GRIA4: variants seen among roughly 807,000 people sequenced by gnomAD.
GRIA4 encodes glutamate receptor 4.
In GRIA4, 34 loss-of-function variants were observed where a neutral mutation model predicts 104.0. The observed-to-expected ratio is 0.33, with a 90% CI of 0.25 to 0.44. GRIA4 has a LOEUF of 0.44. Among genes scored for constraint, GRIA4 ranks in the 20% least tolerant of loss-of-function variants. The pLI, the probability that GRIA4 is intolerant of heterozygous loss-of-function variation, is 1.00. For missense variants in GRIA4, 750 were observed against 1,096.5 expected (o/e 0.68, Z 4.46); for synonymous variants, 386 against 381.9 (o/e 1.01, Z -0.13).
chr11:105,620,922 T>A (rs1375261370), intron 3 of GRIA4, among the ~76,000 whole-genome samples: 1 of 151,800 alleles, frequency 6.6e-6, no homozygotes, highest in Non-Finnish European at 1.5e-5. Flanking sequence ...GGGGGTCATA[T>A]TTTTGGATTT....
In GRIA4 at chr11:105,876,406, G is replaced by A. The variant is rs749257694; in HGVS notation, c.673-11113G>A. ...GTATATTCTGTTGATTTGGGGTGGA[G>A]AGTTCTGTAGATGTCTATTAGGTCC... On this transcript the variant is annotated intron_variant, in intron 5 of 16. Coordinates refer to ENST00000282499, the MANE Select transcript of GRIA4 (RefSeq NM_000829.4). Among the ~76,000 whole-genome samples the A allele has an allele frequency of 3.3e-5, 5 of 152,300 alleles. No individual in the cohort carries two copies. In the South Asian group the frequency reaches 1.0e-3, roughly 32 times the overall value.
intron 3 of GRIA4, among the ~76,000 whole-genome samples, chr11:105,698,027 C>T (rs917312148): frequency 2.0e-5 from 3 of 152,052 alleles, no homozygotes; most frequent in South Asian, 2.1e-4. Context: ...GAAACATGGC[C>T]CTTCCTCTCT....
chr11:105,729,773 A>G (rs907105079), intron 3 of GRIA4, among the ~76,000 whole-genome samples: 2 of 152,214 alleles, frequency 1.3e-5, no homozygotes, highest in African/African-American at 4.8e-5. Context: ...GATTATCTCA[A>G]TAGATGCAGA....
At chr11:105,843,565 G>A (rs1015907918) in intron 4 of GRIA4, among the ~76,000 whole-genome samples, 1 of 152,078 alleles carries the variant, frequency 6.6e-6, no homozygotes, top group African/African-American at 2.4e-5. Context: ...TGCTCTCCAC[G>A]GGAATTTCAG....
At chr11:105,883,431 C>T (rs1223689461) in intron 5 of GRIA4, among the ~76,000 whole-genome samples, 2 of 144,294 alleles carry the variant, frequency 1.4e-5, no homozygotes, top group African/African-American at 5.1e-5. Flanking sequence ...TCCCCCCTCC[C>T]CCACCCCACG....
intron 6 of GRIA4, among the ~76,000 whole-genome samples, chr11:105,889,423 G>A (rs1236892812): frequency 6.6e-6 from 1 of 152,106 alleles, no homozygotes; most frequent in African/African-American, 2.4e-5. Flanking sequence ...TTATAATACA[G>A]TGTATTAATA....
intron 14 of GRIA4, among the ~76,000 whole-genome samples, chr11:105,958,243 T>G (rs1481413625): frequency 6.6e-6 from 1 of 152,210 alleles, no homozygotes; most frequent in South Asian, 2.1e-4. Flanking sequence ...ATATTGGCTG[T>G]GAGTTTGTCA....
intron 12 of GRIA4, among the ~76,000 whole-genome samples, chr11:105,926,158 C>T (rs544721498): frequency 1.3e-5 from 2 of 152,192 alleles, no homozygotes; most frequent in South Asian, 4.1e-4. Flanking sequence ...TCTAGACGCT[C>T]TTCGGGTCCA....
chr11:105,931,003 T>C (rs1469652053), intron 13 of GRIA4, among the ~76,000 whole-genome samples: 3 of 152,116 alleles, frequency 2.0e-5, no homozygotes, highest in Admixed American at 6.6e-5. Context: ...ATTATCAATA[T>C]AGATATTGAG....
intron 14 of GRIA4, among the ~76,000 whole-genome samples, chr11:105,955,985 T>C (rs1948578224): frequency 6.6e-6 from 1 of 152,214 alleles, no homozygotes; most frequent in South Asian, 2.1e-4. Context: ...TTTTCTCTTG[T>C]AAATTTGTTT....
At chr11:105,909,034 T>A (rs543551866) in intron 9 of GRIA4, among the ~76,000 whole-genome samples, 2 of 152,274 alleles carry the variant, frequency 1.3e-5, no homozygotes, top group South Asian at 4.1e-4. Context: ...TTAATAAATG[T>A]CAATCAGAGA....
chr11:105,948,933 C>G (rs544400621), intron 14 of GRIA4, among the ~76,000 whole-genome samples: 5 of 152,152 alleles, frequency 3.3e-5, no homozygotes, highest in African/African-American at 1.2e-4. Context: ...CTTGGCTAAA[C>G]TTGAATAGAA....
chr11:105,787,293 T>C (rs886845857), intron 4 of GRIA4, among the ~76,000 whole-genome samples: 13 of 152,002 alleles, frequency 8.6e-5, no homozygotes, highest in Non-Finnish European at 1.8e-4. Flanking sequence ...TTTTCCCCAA[T>C]CAATTAAAGT....
chr11:105,695,433 A>AGT (rs1277092115), intron 3 of GRIA4, among the ~76,000 whole-genome samples: 1 of 150,180 alleles, frequency 6.7e-6, no homozygotes, highest in Non-Finnish European at 1.5e-5. Context: ...AGAGAGAGAG[A>AGT]GTGTATGCGT....
chr11:105,846,034 A>G (rs1487140483), intron 4 of GRIA4, among the ~76,000 whole-genome samples: 3 of 152,222 alleles, frequency 2.0e-5, no homozygotes, highest in South Asian at 4.1e-4. Context: ...TTAGAGAAAC[A>G]AAGTGTTTTT....
intron 3 of GRIA4, among the ~76,000 whole-genome samples, chr11:105,637,237 G>A (rs1440646148): frequency 3.3e-5 from 5 of 152,084 alleles, no homozygotes; most frequent in African/African-American, 9.7e-5. Flanking sequence ...ACATAATTAT[G>A]TTAATACATT....
At position 105,959,168 on chromosome 11, in the gene GRIA4, T is replaced by C. The variant is rs556193940; in HGVS notation, c.2295-12746T>C. Among the ~76,000 whole-genome samples the C allele has an allele frequency of 1.1e-4, 17 of 152,260 alleles. No individual in the cohort carries two copies. In the East Asian group the frequency reaches 3.3e-3, roughly 29 times the overall value. On this transcript the variant is annotated intron_variant, in intron 14 of 16. Transcript: ENST00000282499. Reference sequence around the variant, plus strand: ...TTGAATGTTGGCTTGTCTTGCTAGGTTGGGGAAGTTCTCCTGGATAATATC... The same window carrying C: ...TTGAATGTTGGCTTGTCTTGCTAGGCTGGGGAAGTTCTCCTGGATAATATC...
chr11:105,713,561 T>C (rs1953989746), intron 3 of GRIA4, among the ~76,000 whole-genome samples: 1 of 152,154 alleles, frequency 6.6e-6, no homozygotes, highest in Non-Finnish European at 1.5e-5. Flanking sequence ...AACACTATCA[T>C]GCATTATACA....
intron 10 of GRIA4, among the ~76,000 whole-genome samples, chr11:105,913,925 T>A (rs544252751): frequency 6.6e-6 from 1 of 152,172 alleles, no homozygotes; most frequent in South Asian, 2.1e-4. Context: ...TCACACATGA[T>A]CTTTCCAGAG....
Sources: allele counts gnomAD v4.1 joint callset (sites outside exome capture counted in the v4.1 genomes callset), GRCh38; gene constraint gnomAD v4.1.1; transcripts MANE v1.5; gene names NCBI Gene and HGNC (gene_info 2026-07-23, HGNC 2026-07-21).